The following SEM1 variants were observed in gnomAD, a reference collection of about 807,000 sequenced individuals.
SEM1 encodes SEM1 26S proteasome subunit, also known as 26S proteasome complex subunit SEM1.
In SEM1, 3 loss-of-function variants were observed where a neutral mutation model predicts 12.7. The observed-to-expected ratio is 0.24, with a 90% CI of 0.11 to 0.61. SEM1 has a LOEUF of 0.61. Ranked by LOEUF, SEM1 falls within the 20% of genes least tolerant of loss-of-function variation. The pLI, the probability that SEM1 is intolerant of heterozygous loss-of-function variation, is 0.88. For synonymous variants in SEM1, 30 were observed against 27.8 expected (o/e 1.08, Z -0.25); for missense variants, 59 against 81.3 (o/e 0.73, Z 1.06).
downstream of SEM1, among the ~76,000 whole-genome samples, chr7:96,685,209 C>G (rs925543830): frequency 1.3e-5 from 2 of 152,098 alleles, no homozygotes; most frequent in African/African-American, 4.8e-5. Flanking sequence ...GTCCTCTAAA[C>G]TTTTAGTGGG....
At chr7:96,549,261 A>T (rs77136111) in intron 2 of SEM1, among the ~76,000 whole-genome samples, 3,111 of 152,276 alleles carry the variant, frequency 0.02, 94 homozygotes, top group African/African-American at 0.07. Flanking sequence ...TCACATCTCA[A>T]GAAGCCCCTC....
chr7:96,541,319 A>G (rs538357262), intron 2 of SEM1, among the ~76,000 whole-genome samples: 1 of 149,078 alleles, frequency 6.7e-6, no homozygotes, highest in African/African-American at 2.5e-5. Context: ...AGTGGTTTTT[A>G]TTTACTTCCT....
chr7:96,574,813 A>G (rs1005594357), intron 2 of SEM1, among the ~76,000 whole-genome samples: 2 of 152,124 alleles, frequency 1.3e-5, no homozygotes, highest in African/African-American at 4.8e-5. Flanking sequence ...CAGTTCCATC[A>G]TGTCATTTAT....
At chr7:96,698,204 T>C (rs532181952) in intron 1 of SEM1, among the ~76,000 whole-genome samples, 21 of 152,088 alleles carry the variant, frequency 1.4e-4, no homozygotes, top group Non-Finnish European at 2.6e-4. Flanking sequence ...TTAAAAAAAA[T>C]ATAAGTCTGG....
At chr7:96,548,976 C>T (rs1307246307) in intron 2 of SEM1, among the ~76,000 whole-genome samples, 3 of 152,042 alleles carry the variant, frequency 2.0e-5, no homozygotes, top group Non-Finnish European at 4.4e-5. Flanking sequence ...GTTCAGAGCT[C>T]GTACTGTATT....
chr7:96,584,005 C>T (rs1369795435), intron 2 of SEM1, among the ~76,000 whole-genome samples: 1 of 151,686 alleles, frequency 6.6e-6, no homozygotes, highest in Non-Finnish European at 1.5e-5. Context: ...GAATTTGATC[C>T]AGTCATTATG....
chr7:96,624,772 G>T lies in SEM1; in HGVS notation c.171-2129C>A, dbSNP rs778722651. Reference sequence around the variant, plus strand: ...TGTTTGGGAGTAGGGAGCAGGAAGGGATATAAGGTGTAAGGTATTTACATA... The same window carrying T: ...TGTTTGGGAGTAGGGAGCAGGAAGGTATATAAGGTGTAAGGTATTTACATA... On this transcript the variant is annotated intron_variant, in intron 2 of 2. Transcript: ENST00000417009. Among the ~76,000 whole-genome samples the T allele has an allele frequency of 2.0e-5, 3 of 152,092 alleles. 1 individual carries two copies. Among genetic ancestry groups the T allele is most frequent in the Non-Finnish European group, 1.5e-5 (1 of 68,032 alleles).
At chr7:96,603,136 A>G (rs939042319) in intron 2 of SEM1, among the ~76,000 whole-genome samples, 9 of 152,364 alleles carry the variant, frequency 5.9e-5, no homozygotes, top group African/African-American at 1.9e-4. Context: ...CAAATGAGCC[A>G]TAACTTTAAA....
chr7:96,564,252 G>T (rs1411238883), intron 2 of SEM1, among the ~76,000 whole-genome samples: 1 of 151,716 alleles, frequency 6.6e-6, no homozygotes, highest in African/African-American at 2.4e-5. Context: ...TCTTAAGGCT[G>T]ATCTTCATCT....
chr7:96,488,515 A>G (rs1180840580), intron 1 of SEM1, among the ~76,000 whole-genome samples: 3 of 152,290 alleles, frequency 2.0e-5, no homozygotes, highest in African/African-American at 7.2e-5. Context: ...TGAGCTGAAT[A>G]TGTGACTACA....
rs189265582 is a variant in SEM1, at chr7:96,495,056, G to T, written c.12+1228C>A. Among the ~76,000 whole-genome samples the T allele has an allele frequency of 4.7e-3, 648 of 137,920 alleles. 1 individual carries two copies. The highest frequency in any genetic ancestry group is 0.017 in the African/African-American group (616 of 36,542). The allele number at this position is 137,920 out of a possible 152,430, so 90.5% of individuals were successfully genotyped here. A position where few individuals can be genotyped will look rare whatever the true frequency, so the allele number is the denominator to read the frequency against. On this transcript the variant is annotated intron_variant, in intron 1 of 3. Coordinates refer to the SEM1 transcript ENST00000356686. ...TCAGAGAGATAATGAGAGAGAAGGG[G>T]GTGAAGAGAGAGCAAGAGGGAAAGA... is the stretch of plus-strand genomic sequence containing the variant.
At chr7:96,645,572 A>C (rs1057308936) in intron 2 of SEM1, 16 of 394,184 alleles carry the variant, frequency 4.1e-5, no homozygotes, top group Non-Finnish European at 1.3e-5. Flanking sequence ...GAGAGACCGG[A>C]GCATGCTCAA....
At chr7:96,598,566 T>A (rs1335620675) in intron 2 of SEM1, among the ~76,000 whole-genome samples, 1 of 152,172 alleles carries the variant, frequency 6.6e-6, no homozygotes, top group African/African-American at 2.4e-5. Context: ...TTCTCTTTTC[T>A]TTCTAAGTTG....
At chr7:96,553,703 TTAAAG>T (rs1434425281) in intron 2 of SEM1, among the ~76,000 whole-genome samples, 2 of 151,990 alleles carry the variant, frequency 1.3e-5, no homozygotes, top group East Asian at 3.8e-4. Flanking sequence ...CATATGAACT[TTAAAG>T]TAGTTTTTTC....
chr7:96,526,391 G>T (rs1804465111), intron 2 of SEM1, among the ~76,000 whole-genome samples: 1 of 151,776 alleles, frequency 6.6e-6, no homozygotes, highest in Admixed American at 6.6e-5. Flanking sequence ...AAGAGAAAAT[G>T]GTCTCTTCTT....
At chr7:96,662,485 C>A (rs1584845143) in intron 2 of SEM1, among the ~76,000 whole-genome samples, 2 of 152,196 alleles carry the variant, frequency 1.3e-5, no homozygotes, top group East Asian at 3.9e-4. Flanking sequence ...CACATGGACA[C>A]ATGGAGGTGA....
At chr7:96,699,927 T>TGAC (rs35620512) in intron 1 of SEM1, among the ~76,000 whole-genome samples, 51,982 of 151,868 alleles carry the variant, frequency 0.34, 10,261 homozygotes, top group East Asian at 0.67. Flanking sequence ...TTCTCTCCCT[T>TGAC]AACTACTACT....
At position 96,609,838 on chromosome 7, in the gene SEM1, T is replaced by A. The variant is rs149528174; in HGVS notation, c.170+84960A>T. 4.9e-4 allele frequency among the ~76,000 whole-genome samples: 75 copies of A among 152,246 alleles called. 1 individual carries two copies. Among genetic ancestry groups the A allele is most frequent in the African/African-American group, 1.6e-3 (66 of 41,560 alleles). On this transcript the variant is annotated intron_variant and NMD_transcript_variant, in intron 2 of 3. Transcript: ENST00000466986. Reference sequence around the variant, plus strand: ...GAGAATGGATTTTAATTGGGAATGGTGAAAGATGAGATGTGCAAGTATGAT... The same window carrying A: ...GAGAATGGATTTTAATTGGGAATGGAGAAAGATGAGATGTGCAAGTATGAT...
intron 1 of SEM1, among the ~76,000 whole-genome samples, chr7:96,492,944 A>C (rs1298016191): frequency 6.6e-6 from 1 of 151,978 alleles, no homozygotes; most frequent in African/African-American, 2.4e-5. Context: ...TGTATATTCA[A>C]AAGTAGGAAT....
Sources: allele counts gnomAD v4.1 joint callset (sites outside exome capture counted in the v4.1 genomes callset), GRCh38; gene constraint gnomAD v4.1.1; transcripts MANE v1.5; gene names NCBI Gene and HGNC (gene_info 2026-07-23, HGNC 2026-07-21).